SMCHD1: variants seen among roughly 807,000 people sequenced by gnomAD.
The protein encoded by SMCHD1 is structural maintenance of chromosomes flexible hinge domain containing 1, also known as structural maintenance of chromosomes flexible hinge domain-containing protein 1.
In SMCHD1, 78 loss-of-function variants were observed where a neutral mutation model predicts 254.7. The ratio of observed to expected loss-of-function variants is 0.31; its 90% CI spans 0.26 to 0.37. The LOEUF (loss-of-function observed/expected upper bound fraction) is 0.37, where lower values mean the gene tolerates loss of function less well. Among genes scored for constraint, SMCHD1 ranks in the 10% least tolerant of loss-of-function variants. The pLI is 1.00. For missense variants in SMCHD1, 1,840 were observed against 2,408.1 expected (o/e 0.76, Z 4.94); for synonymous variants, 766 against 794.9 (o/e 0.96, Z 0.61).
chr18:2,716,064 T>C (rs909491528), intron 17 of SMCHD1, among the ~76,000 whole-genome samples: 4 of 152,228 alleles, frequency 2.6e-5, no homozygotes, highest in Admixed American at 6.5e-5. Context: ...GGGGCAGGAC[T>C]TATTTTTTCC....
intron 13 of SMCHD1, 120 bp from the exon 14 acceptor site, chr18:2,705,574 G>T (rs2074494672): frequency 2.3e-6 from 1 of 442,814 alleles, no homozygotes; most frequent in Admixed American, 3.9e-5. Flanking sequence ...TTTTTCTAAT[G>T]ATAGTTACCA....
intron 45 of SMCHD1, among the ~76,000 whole-genome samples, chr18:2,785,745 G>C (rs949732349): frequency 7.0e-6 from 1 of 142,004 alleles, no homozygotes. Flanking sequence ...ATGCACAGTT[G>C]AAACTTTGTA....
At chr18:2,693,955 A>T (rs1659236288) in intron 7 of SMCHD1, among the ~76,000 whole-genome samples, 2 of 152,136 alleles carry the variant, frequency 1.3e-5, no homozygotes, top group African/African-American at 4.8e-5. Flanking sequence ...ACATAGATTC[A>T]TACTACAGAT....
chr18:2,784,642 A>C (rs201273370), intron 45 of SMCHD1, 21 bp downstream of exon 45: 2 of 1,541,930 alleles, frequency 1.3e-6, no homozygotes, highest in African/African-American at 2.8e-5. Context: ...TAAGTACTTA[A>C]ATAGCAATTT....
In SMCHD1 at chr18:2,802,774, C is replaced by T; in HGVS notation, c.*222C>T. The T allele has an allele frequency of 2.4e-6, 1 of 424,708 alleles. No individual in the cohort carries two copies. The highest frequency in any genetic ancestry group is 4.2e-6 in the Non-Finnish European group (1 of 238,086). The allele number at this position is 424,708 out of a possible 1,614,324, so 26.3% of individuals were successfully genotyped here. ...ATGGATTTACTGGAATTATTCCAGA[C>T]ATTATGCCCTTTGGTTGTCACTACC... On this transcript the variant is annotated 3_prime_UTR_variant, in exon 48 of 48. Transcript: ENST00000320876.
At chr18:2,734,667 A>G (rs1471513856) in intron 25 of SMCHD1, among the ~76,000 whole-genome samples, 1 of 149,404 alleles carries the variant, frequency 6.7e-6, no homozygotes, top group Non-Finnish European at 1.5e-5. Flanking sequence ...TTTTTTTAAT[A>G]CAATAAAGAA....
chr18:2,703,850 A>T lies in SMCHD1; in HGVS notation c.1806A>T (p.Ile602=). ...KQGPWATYAA[I]EWDGKIYKAG... ...GTCCCTGGGCAACATATGCAGCAATAGAATGGGATGGAAAGATATACAAAG... is the reference window on the plus strand; with the variant it reads ...GTCCCTGGGCAACATATGCAGCAATTGAATGGGATGGAAAGATATACAAAG... The change falls in exon 13 of 48, where the codon ATA becomes ATT. Residue 602 remains isoleucine (I), a synonymous_variant. Transcript: ENST00000320876. 6.2e-7 allele frequency: 1 copy of T among 1,611,020 alleles called. No homozygotes were observed. Among genetic ancestry groups the T allele is most frequent in the Non-Finnish European group, 8.5e-7 (1 of 1,178,684 alleles).
chr18:2,690,445 G>T (rs553630622), intron 7 of SMCHD1, among the ~76,000 whole-genome samples: 2 of 152,142 alleles, frequency 1.3e-5, no homozygotes, highest in African/African-American at 4.8e-5. Flanking sequence ...AGGTTAGATT[G>T]TTATAATTTT....
At chr18:2,661,171 C>G (rs1221882365) in intron 1 of SMCHD1, among the ~76,000 whole-genome samples, 2 of 151,946 alleles carry the variant, frequency 1.3e-5, no homozygotes, top group Non-Finnish European at 2.9e-5. Flanking sequence ...CACACAGGGA[C>G]CTGTTGTAGG....
At chr18:2,691,993 A>T (rs931936393) in intron 7 of SMCHD1, 1 of 152,240 alleles carries the variant, frequency 6.6e-6, no homozygotes, top group Admixed American at 6.5e-5. Flanking sequence ...CAAAACTTTT[A>T]AAAAACTTCA....
At chr18:2,686,040 G>A (rs75135855) in intron 5 of SMCHD1, among the ~76,000 whole-genome samples, 1 of 151,968 alleles carries the variant, frequency 6.6e-6, no homozygotes, top group East Asian at 1.9e-4. Context: ...TTTCCTTTCT[G>A]AAGCTCTTTC....
chr18:2,801,583 T>C (rs1045336170), intron 47 of SMCHD1, among the ~76,000 whole-genome samples: 9 of 152,194 alleles, frequency 5.9e-5, no homozygotes, highest in African/African-American at 2.2e-4. Flanking sequence ...TGAATATTGG[T>C]ATATTTCATC....
rs886043345 is a variant in SMCHD1 at position 2,700,756 on chromosome 18, TAAG to T, written c.1490_1492del (p.Lys497del). ...CAAGCTTTGACTGGTGTACTCCTCCTAAGAAGAGAGGGCTTGCACCAATTGAAT... is the reference window on the plus strand; with the variant it reads ...CAAGCTTTGACTGGTGTACTCCTCCTAAGAGAGGGCTTGCACCAATTGAAT... On this transcript the variant is annotated inframe_deletion, in exon 12 of 48. Transcript: ENST00000320876. 1.2e-6 allele frequency: 2 copies of T among 1,611,092 alleles called. No individual in the cohort carries two copies. Among genetic ancestry groups the T allele is most frequent in the Non-Finnish European group, 1.7e-6 (2 of 1,178,620 alleles).
Position 2,782,762 on chromosome 18 carries a change from A to AAACAAAC in SMCHD1, c.5548-1686_5548-1685insCAAACAA, listed in dbSNP as rs1246693926. ...CACAACTCAAAAAAAAAAAAAAAAA[A>AAACAAAC]AAAAAAAAAAGATATTAAATCCTTA... On this transcript the variant is annotated intron_variant, in intron 44 of 47. Transcript: ENST00000320876. 2.5e-4 allele frequency among the ~76,000 whole-genome samples: 37 copies of AAACAAAC among 150,396 alleles called. 1 individual carries two copies. Among genetic ancestry groups the AAACAAAC allele is most frequent in the African/African-American group, 8.1e-4 (33 of 40,668 alleles).
chr18:2,663,872 G>T (rs562167261), intron 1 of SMCHD1, among the ~76,000 whole-genome samples: 1 of 151,992 alleles, frequency 6.6e-6, no homozygotes, highest in Non-Finnish European at 1.5e-5. Context: ...CTGCCACCAC[G>T]CCTGGCTAAT....
chr18:2,795,380 T>C (rs1175973770), intron 45 of SMCHD1, among the ~76,000 whole-genome samples: 3 of 152,160 alleles, frequency 2.0e-5, no homozygotes, highest in African/African-American at 7.2e-5. Context: ...TGTTTAAAAA[T>C]AATAGTCATG....
intron 42 of SMCHD1, among the ~76,000 whole-genome samples, chr18:2,777,578 T>C (rs1431756951): frequency 6.6e-6 from 1 of 152,244 alleles, no homozygotes; most frequent in East Asian, 1.9e-4. Context: ...TACAAACTAA[T>C]AGAGGGTAGT....
In SMCHD1 at chr18:2,666,161, T is replaced by G; in HGVS notation, c.191T>G (p.Leu64Arg). Residue 64 changes from leucine (L) to arginine (R), a missense_variant, in exon 2 of 48, where the codon CTT (leucine) becomes CGT (arginine). This residue lies in a region of SMCHD1 where 115 missense variants were observed against 99.1 expected (regional missense o/e 1.16). Coordinates refer to ENST00000320876, the MANE Select transcript of SMCHD1 (RefSeq NM_015295.3). Reference protein sequence around the residue: ...AGFRACVCQTLGISPEEKFVI... With the variant: ...AGFRACVCQTRGISPEEKFVI... Reference sequence around the variant, plus strand: ...TTTATTTCTTATTTTGGATAGACACTTGGCATTTCACCTGAAGAAAAATTT... The same window carrying G: ...TTTATTTCTTATTTTGGATAGACACGTGGCATTTCACCTGAAGAAAAATTT... 1 of 1,480,796 alleles carries G rather than the reference T, an allele frequency of 6.8e-7. No homozygotes were observed. Among genetic ancestry groups the G allele is most frequent in the Non-Finnish European group, 9.4e-7 (1 of 1,065,986 alleles). 91.7% of individuals were successfully genotyped at this position (1,480,796 alleles called of 1,614,324 possible). A position where few individuals can be genotyped will look rare whatever the true frequency, so the allele number is the denominator to read the frequency against.
intron 25 of SMCHD1, among the ~76,000 whole-genome samples, chr18:2,734,693 G>T (rs1454965095): frequency 2.0e-5 from 3 of 150,456 alleles, no homozygotes; most frequent in Non-Finnish European, 3.0e-5. Context: ...ACTAAAGATG[G>T]TTTTAAAAGA....
Sources: allele counts gnomAD v4.1 joint callset (sites outside exome capture counted in the v4.1 genomes callset), GRCh38; gene constraint gnomAD v4.1.1; regional missense constraint gnomAD v4.1.1; transcripts MANE v1.5; gene names NCBI Gene and HGNC (gene_info 2026-07-23, HGNC 2026-07-21).